EIF3H: variants seen among roughly 807,000 people sequenced by gnomAD.
EIF3H encodes eukaryotic translation initiation factor 3 subunit H, also known as eIF-3-gamma.
EIF3H carries 26 observed loss-of-function variants against 44.2 expected under a neutral mutation model. That is an observed-to-expected ratio of 0.59 (90% CI 0.43 to 0.82). EIF3H has a LOEUF of 0.82. Ranked by LOEUF, EIF3H falls within the 40% of genes least tolerant of loss-of-function variation. EIF3H has a pLI of 0.00. For synonymous variants in EIF3H, 166 were observed against 151.9 expected, an observed-to-expected ratio of 1.09 and a Z score of -0.68; for missense variants, 359 against 432.8, an observed-to-expected ratio of 0.83 and a Z score of 1.51.
chr8:116,671,229 C>T (rs1813747936), intron 2 of EIF3H, among the ~76,000 whole-genome samples: 2 of 152,172 alleles, frequency 1.3e-5, no homozygotes, highest in Admixed American at 1.3e-4. Flanking sequence ...TTGTCATCCC[C>T]TAACGCAGCA....
Position 116,649,061 on chromosome 8 carries a change from G to C in EIF3H, c.708-135C>G, listed in dbSNP as rs925488510. ...AGAGCACACATATGCATAAAAGCAA[G>C]AGCAGAGGAAAAAATCTGAGTCAAC... On this transcript the variant is annotated intron_variant, in intron 5 of 7. Coordinates refer to ENST00000521861, the MANE Select transcript of EIF3H (RefSeq NM_003756.3). 4.5e-6 allele frequency: 3 copies of C among 671,300 alleles called. No homozygotes were observed. In the South Asian group the frequency reaches 1.0e-4, roughly 23 times the overall value. The allele number at this position is 671,300 out of a possible 1,614,324, so 41.6% of individuals were successfully genotyped here.
chr8:116,693,880 C>T (rs141000036), intron 2 of EIF3H, among the ~76,000 whole-genome samples: 7 of 151,240 alleles, frequency 4.6e-5, no homozygotes, highest in African/African-American at 7.3e-5. Context: ...TTACCCAGGC[C>T]GGCCTTGAGC....
intron 1 of EIF3H, chr8:116,737,387 G>A: frequency 7.6e-6 from 3 of 396,412 alleles, no homozygotes; most frequent in Non-Finnish European, 9.7e-6. Flanking sequence ...TGGGCGCAGT[G>A]GCTTGTGCCT....
At chr8:116,704,493 A>C (rs1016072743) in intron 2 of EIF3H, among the ~76,000 whole-genome samples, 6 of 152,236 alleles carry the variant, frequency 3.9e-5, no homozygotes, top group Admixed American at 2.0e-4. Context: ...CTAGCTTAAA[A>C]GATAGAGGGG....
intron 2 of EIF3H, chr8:116,697,264 A>C (rs1433781653): frequency 2.2e-6 from 1 of 446,136 alleles, no homozygotes; most frequent in African/African-American, 2.0e-5. Context: ...GAAACAAAAA[A>C]AGAATAGATT....
At chr8:116,746,765 T>C (rs1291084542) in intron 1 of EIF3H, among the ~76,000 whole-genome samples, 1 of 152,112 alleles carries the variant, frequency 6.6e-6, no homozygotes, top group African/African-American at 2.4e-5. Context: ...AAGCAAAAAA[T>C]ATAACTAAGC....
At chr8:116,748,926 GT>G (rs1392531676) in intron 1 of EIF3H, among the ~76,000 whole-genome samples, 1 of 151,970 alleles carries the variant, frequency 6.6e-6, no homozygotes, top group African/African-American at 2.4e-5. Context: ...ATTTTTAGTT[GT>G]TTTTTTCCTA....
At chr8:116,657,399 C>T in intron 3 of EIF3H, 85 bp from the exon 4 acceptor site, 2 of 943,132 alleles carry the variant, frequency 2.1e-6, no homozygotes, top group Admixed American at 4.4e-5. Context: ...CATTCTGTTA[C>T]ATATCGCACA....
intron 2 of EIF3H, chr8:116,689,130 TATGA>T: frequency 2.2e-6 from 1 of 444,894 alleles, no homozygotes; most frequent in Non-Finnish European, 4.5e-6. Context: ...TATGCTGCAC[TATGA>T]ATGAACCTTG....
intron 1 of EIF3H, among the ~76,000 whole-genome samples, chr8:116,739,384 C>T (rs1255552940): frequency 6.6e-6 from 1 of 152,252 alleles, no homozygotes; most frequent in African/African-American, 2.4e-5. Flanking sequence ...GGCGCCATGG[C>T]TCACGCCTGT....
chr8:116,647,050 T>C (rs1813313111), intron 6 of EIF3H, among the ~76,000 whole-genome samples: 1 of 152,214 alleles, frequency 6.6e-6, no homozygotes, highest in Non-Finnish European at 1.5e-5. Flanking sequence ...GATGATGTTA[T>C]TACTGCTATG....
intron 5 of EIF3H, among the ~76,000 whole-genome samples, chr8:116,650,768 T>C (rs1242294254): frequency 2.0e-5 from 3 of 152,176 alleles, no homozygotes; most frequent in African/African-American, 4.8e-5. Flanking sequence ...TGCCTCAGCC[T>C]CTCGAGTAGC....
At chr8:116,676,794 T>A (rs763099012) in intron 2 of EIF3H, among the ~76,000 whole-genome samples, 1 of 152,218 alleles carries the variant, frequency 6.6e-6, no homozygotes, top group Non-Finnish European at 1.5e-5. Context: ...GTTCAGTTTC[T>A]TCACTTGGTG....
intron 2 of EIF3H, chr8:116,688,930 A>AT: frequency 3.6e-6 from 1 of 281,158 alleles, no homozygotes; most frequent in East Asian, 1.1e-4. Context: ...GAGTTACCAT[A>AT]TGACCCAGCA....
At chr8:116,737,257 A>G (rs925871780) in intron 1 of EIF3H, 2 of 448,900 alleles carry the variant, frequency 4.5e-6, no homozygotes, top group East Asian at 1.4e-4. Flanking sequence ...CATCAGCAAT[A>G]TTTTCTATCT....
intron 6 of EIF3H, 76 bp from the exon 7 acceptor site, chr8:116,646,679 A>C: frequency 6.4e-7 from 1 of 1,559,926 alleles, no homozygotes. Flanking sequence ...TCCCCTACAC[A>C]ACCAGCAGAA....
chr8:116,754,609 T>C (rs534921746), intron 1 of EIF3H, among the ~76,000 whole-genome samples: 15 of 152,306 alleles, frequency 9.8e-5, no homozygotes, highest in African/African-American at 3.6e-4. Context: ...ATGATACAGA[T>C]ACTTCTCATT....
intron 2 of EIF3H, among the ~76,000 whole-genome samples, chr8:116,721,313 T>A (rs372275074): frequency 3.3e-5 from 5 of 152,216 alleles, no homozygotes; most frequent in Non-Finnish European, 5.9e-5. Flanking sequence ...AGTCAAGAAT[T>A]GAGGTTTGGG....
chr8:116,650,293 G>A (rs1346404641), intron 5 of EIF3H, among the ~76,000 whole-genome samples: 1 of 152,178 alleles, frequency 6.6e-6, no homozygotes, highest in African/African-American at 2.4e-5. Flanking sequence ...AAGGTAAAGT[G>A]ATACAGCTGC....
Sources: gnomAD v4.1 joint callset for allele counts (sites outside exome capture counted in the v4.1 genomes callset) on GRCh38, gnomAD v4.1.1 for gene constraint, MANE v1.5 for transcripts, NCBI Gene and HGNC (gene_info 2026-07-23, HGNC 2026-07-21) for gene names.